Variants in HPGDS observed in about 807,000 individuals in gnomAD.
HPGDS encodes GST class-sigma.
A neutral mutation model predicts 23.1 loss-of-function variants in HPGDS; 26 were observed. That is an observed-to-expected ratio of 1.13 (90% CI 0.83 to 1.56). The LOEUF (loss-of-function observed/expected upper bound fraction) is 1.56. HPGDS is among the 40% of genes most tolerant of loss of function. The pLI is 0.00. For synonymous variants in HPGDS, 95 were observed against 77.9 expected (o/e 1.22, Z -1.16); for missense variants, 268 against 236.4 (o/e 1.13, Z -0.88).
rs761485814 is a variant in HPGDS, at chr4:94,308,639, C to T, written c.331G>A (p.Val111Met). 22 of 1,558,174 alleles carry T rather than the reference C, an allele frequency of 1.4e-5. No individual in the cohort carries two copies. In the South Asian group the frequency reaches 1.6e-4, roughly 11 times the overall value. ...TAGCAAATGGATCACATTACTTTCA[C>T]ATCTTGCTTTTTCTCTGCCCAAGGA... ...CFPWAEKKQD[V>M]KEQMFNELLT... The change falls in exon 4 of 6, where the codon GTG (valine) becomes ATG (methionine). Residue 111 changes from valine to methionine, a missense_variant. By Grantham distance (21) the Val-to-Met change is conservative. Transcript: ENST00000295256.
intron 3 of HPGDS, among the ~76,000 whole-genome samples, chr4:94,309,025 T>C (rs1756200145): frequency 6.9e-6 from 1 of 145,690 alleles, no homozygotes; most frequent in African/African-American, 2.5e-5. Context: ...TATCTTTCTT[T>C]ACAAGTACCC....
At chr4:94,307,291 T>C (rs1409694668) in intron 4 of HPGDS, among the ~76,000 whole-genome samples, 2 of 144,068 alleles carry the variant, frequency 1.4e-5, no homozygotes, top group Non-Finnish European at 3.0e-5. Context: ...AACAGGAGAA[T>C]GAACCCAGGA....
chr4:94,334,721 T>G, intron 1 of HPGDS, 83 bp from the exon 2 acceptor site: 4 of 1,270,016 alleles, frequency 3.1e-6, no homozygotes, highest in Non-Finnish European at 4.3e-6. Context: ...TTTGGAAAAC[T>G]TTATGGCATC....
At chr4:94,333,555 C>A (rs1756768492) in intron 2 of HPGDS, among the ~76,000 whole-genome samples, 1 of 152,178 alleles carries the variant, frequency 6.6e-6, no homozygotes, top group African/African-American at 2.4e-5. Context: ...AATTTCTGTC[C>A]TTTCTAAGAA....
chr4:94,316,991 A>G (rs919244061), intron 3 of HPGDS, among the ~76,000 whole-genome samples: 1 of 152,222 alleles, frequency 6.6e-6, no homozygotes. Flanking sequence ...TAAACTTTCA[A>G]AGTAACTTTA....
At chr4:94,306,853 A>T (rs1756149116) in intron 4 of HPGDS, among the ~76,000 whole-genome samples, 1 of 152,054 alleles carries the variant, frequency 6.6e-6, no homozygotes, top group Admixed American at 6.6e-5. Context: ...GGAACAAAGA[A>T]AATAAAGGGG....
At position 94,311,414 on chromosome 4, in the gene HPGDS, G is replaced by A. The variant is rs1031812147; in HGVS notation, c.227-2671C>T. Among the ~76,000 whole-genome samples the A allele has an allele frequency of 4.6e-5, 7 of 151,202 alleles. 1 individual carries two copies. The highest frequency in any genetic ancestry group is 9.8e-5 in the African/African-American group (4 of 40,628). On this transcript the variant is annotated intron_variant, in intron 3 of 5. Transcript: ENST00000295256. ...GATAATCATGTGGTTTTTTGTCATCGGTTGTGTTTATATGCTGGATTACGT... is the reference window on the plus strand; with the variant it reads ...GATAATCATGTGGTTTTTTGTCATCAGTTGTGTTTATATGCTGGATTACGT...
intron 2 of HPGDS, among the ~76,000 whole-genome samples, chr4:94,329,611 G>A (rs971419618): frequency 2.0e-5 from 3 of 152,118 alleles, no homozygotes; most frequent in African/African-American, 7.2e-5. Flanking sequence ...AAGGGTAGTA[G>A]AATAAAGGGC....
At chr4:94,324,692 A>G (rs1451732319) in intron 2 of HPGDS, among the ~76,000 whole-genome samples, 3 of 152,072 alleles carry the variant, frequency 2.0e-5, no homozygotes, top group Non-Finnish European at 4.4e-5. Context: ...CTTCCTTGTG[A>G]TGGGTTCAAA....
chr4:94,323,496 G>A lies in HPGDS; in HGVS notation c.134-5531C>T, dbSNP rs1756560348. ...GATAGTTAGCTCTTCTTGTTGAATT[G>A]ATCCCTTTACCATTATGTAATGGCC... On this transcript the variant is annotated intron_variant, in intron 2 of 5. Transcript: ENST00000295256. Among the ~76,000 whole-genome samples, 3 of 152,266 alleles carry A rather than the reference G, an allele frequency of 2.0e-5. No individual in the cohort carries two copies. In the South Asian group the frequency reaches 6.2e-4, roughly 32 times the overall value.
At chr4:94,321,270 T>G (rs1756503683) in intron 2 of HPGDS, among the ~76,000 whole-genome samples, 1 of 152,212 alleles carries the variant, frequency 6.6e-6, no homozygotes, top group Admixed American at 6.5e-5. Context: ...CCATATGAAC[T>G]TTAAAGTAGT....
At chr4:94,302,346 C>G in intron 4 of HPGDS, 102 bp from the exon 5 acceptor site, 1 of 790,778 alleles carries the variant, frequency 1.3e-6, no homozygotes, top group Non-Finnish European at 2.1e-6. Context: ...CACATGAATT[C>G]AAGAAGAAAG....
chr4:94,314,946 G>A (rs1038486480), intron 3 of HPGDS, among the ~76,000 whole-genome samples: 4 of 152,334 alleles, frequency 2.6e-5, no homozygotes, highest in African/African-American at 9.6e-5. Flanking sequence ...GCCAGGCACG[G>A]GATATAATCT....
At chr4:94,336,462 C>T (rs994813038) in intron 1 of HPGDS, among the ~76,000 whole-genome samples, 1 of 152,108 alleles carries the variant, frequency 6.6e-6, no homozygotes, top group Admixed American at 6.5e-5. Context: ...GAAGCTGGTG[C>T]TCCTTGCTAA....
intron 3 of HPGDS, among the ~76,000 whole-genome samples, chr4:94,310,700 G>T (rs28806476): frequency 0.15 from 22,314 of 152,072 alleles, 1,875 homozygotes; most frequent in Non-Finnish European, 0.19. Flanking sequence ...GATGGGAACG[G>T]CACTAAATCT....
chr4:94,340,619 G>T (rs1276741376), intron 1 of HPGDS, among the ~76,000 whole-genome samples: 1 of 137,664 alleles, frequency 7.3e-6, no homozygotes, highest in African/African-American at 2.7e-5. Context: ...GTTTACAGGG[G>T]TGAGCCACCG....
At chr4:94,304,104 G>T (rs1041211766) in intron 4 of HPGDS, among the ~76,000 whole-genome samples, 4 of 151,568 alleles carry the variant, frequency 2.6e-5, no homozygotes, top group African/African-American at 9.7e-5. Flanking sequence ...GATGGATTCA[G>T]AAATTTCTAG....
chr4:94,329,679 T>G (rs1756701982), intron 2 of HPGDS, among the ~76,000 whole-genome samples: 1 of 152,174 alleles, frequency 6.6e-6, no homozygotes, highest in East Asian at 1.9e-4. Context: ...TGTTTTCTTG[T>G]GAGATAGTGA....
intron 2 of HPGDS, among the ~76,000 whole-genome samples, chr4:94,327,842 G>A (rs1328404856): frequency 1.3e-5 from 2 of 152,210 alleles, no homozygotes; most frequent in African/African-American, 2.4e-5. Flanking sequence ...TTGTTGTGGG[G>A]GGATGTCAGA....
Sources: allele counts gnomAD v4.1 joint callset (sites outside exome capture counted in the v4.1 genomes callset), GRCh38; gene constraint gnomAD v4.1.1; transcripts MANE v1.5; gene names NCBI Gene and HGNC (gene_info 2026-07-23, HGNC 2026-07-21).